Variants in ZNF540 observed in about 807,000 individuals in gnomAD.
ZNF540 encodes zinc finger protein 540, also known as CTD-3064H18.6.
Under a neutral mutation model 11.8 loss-of-function variants are expected in ZNF540, and 3 were observed. That is an observed-to-expected ratio of 0.25 (90% confidence interval 0.12 to 0.65). ZNF540 has a LOEUF of 0.65. Among genes scored for constraint, ZNF540 ranks in the 30% least tolerant of loss-of-function variants. The probability of loss-of-function intolerance (pLI) is 0.83; values close to 1 mark genes in which losing one functional copy is unlikely to be tolerated. For synonymous variants in ZNF540, 247 were observed against 259.0 expected (o/e 0.95, Z 0.45); for missense variants, 709 against 793.1 (o/e 0.89, Z 1.27).
chr19:37,610,976 C>T (rs1036287315), intron 4 of ZNF540: 3 of 151,832 alleles, frequency 2.0e-5, no homozygotes, highest in African/African-American at 7.3e-5. Flanking sequence ...ATTTTAGAAC[C>T]ACTGACGTAA....
At chr19:37,566,448 A>G (rs2147152681) in intron 1 of ZNF540, 1 of 782,996 alleles carries the variant, frequency 1.3e-6, no homozygotes, top group Non-Finnish European at 1.9e-6. Context: ...AGGCACAAGG[A>G]GAGAATAAAG....
At chr19:37,574,555 A>G (rs2043179793) in intron 1 of ZNF540, among the ~76,000 whole-genome samples, 1 of 152,224 alleles carries the variant, frequency 6.6e-6, no homozygotes, top group Admixed American at 6.5e-5. Flanking sequence ...AACTAATAAC[A>G]TAAAATCTTA....
rs117242854 is a variant in ZNF540 at position 37,582,336 on chromosome 19, T to C, written c.-72-16040T>C. ...TTACTTGAACTCCTAGCATTATCTC[T>C]CTCAGCTAACTGCTTCCTCCTTTTG... On this transcript the variant is annotated intron_variant, in intron 1 of 4. Coordinates refer to the ZNF540 transcript ENST00000592533. Among the ~76,000 whole-genome samples the C allele has an allele frequency of 6.7e-3, 1,026 of 152,334 alleles. 32 individuals are homozygous for C. Among genetic ancestry groups the C allele is most frequent in the East Asian group, 0.05 (262 of 5,192 alleles).
chr19:37,596,274 G>GCATCATTTTATTGCA (rs1452405640), intron 1 of ZNF540, among the ~76,000 whole-genome samples: 1 of 152,090 alleles, frequency 6.6e-6, no homozygotes, highest in African/African-American at 2.4e-5. Flanking sequence ...ATTTTATTGT[G>GCATCATTTTATTGCA]CATCATTTTA....
At position 37,558,399 on chromosome 19, in the gene ZNF540, G is replaced by A. The variant is rs555601000; in HGVS notation, c.-73+6734G>A. Among the ~76,000 whole-genome samples, 38 of 152,230 alleles carry A rather than the reference G, an allele frequency of 2.5e-4. 1 individual carries two copies. The South Asian group carries it at 4.1e-3, about 17-fold the overall frequency. ...ATTAAGAGCATGGCTATTTTCGGGGGCCGCTGGGTCAAAAGGGGTGTAAAT... is the reference window on the plus strand; with the variant it reads ...ATTAAGAGCATGGCTATTTTCGGGGACCGCTGGGTCAAAAGGGGTGTAAAT... On this transcript the variant is annotated intron_variant, in intron 1 of 4. Coordinates refer to the ZNF540 transcript ENST00000592533.
intron 1 of ZNF540, among the ~76,000 whole-genome samples, chr19:37,589,327 G>A (rs2043796200): frequency 6.6e-6 from 1 of 151,386 alleles, no homozygotes; most frequent in South Asian, 2.1e-4. Context: ...TTTAAAAATT[G>A]CCTAAAAGAA....
At chr19:37,571,068 C>T (rs1600476918) in intron 1 of ZNF540, among the ~76,000 whole-genome samples, 1 of 152,156 alleles carries the variant, frequency 6.6e-6, no homozygotes, top group South Asian at 2.1e-4. Flanking sequence ...GACTTAGAAT[C>T]ACTCATTGTG....
chr19:37,601,493 G>T (rs2044039232), intron 4 of ZNF540, among the ~76,000 whole-genome samples: 1 of 151,912 alleles, frequency 6.6e-6, no homozygotes, highest in South Asian at 2.1e-4. Flanking sequence ...TCTGTGCCAA[G>T]TGTTATCAGT....
At position 37,613,702 on chromosome 19, in the gene ZNF540, T is replaced by C. The variant is rs1599594675; in HGVS notation, c.*439T>C. On this transcript the variant is annotated 3_prime_UTR_variant, in exon 5 of 5. Coordinates refer to ENST00000316433, the MANE Select transcript of ZNF540 (RefSeq NM_001172225.3). ...ACATTATTATTAGTGGATTTCTTAA[T>C]AGGAAGATGCAATGGAGATGACAAA... 2.5e-6 allele frequency: 1 copy of C among 397,994 alleles called. No individual in the cohort carries two copies. Among genetic ancestry groups the C allele is most frequent in the African/African-American group, 2.1e-5 (1 of 48,622 alleles). The allele number at this position is 397,994 out of a possible 1,614,324, so 24.7% of individuals were successfully genotyped here. A position where few individuals can be genotyped will look rare whatever the true frequency, so the allele number is the denominator to read the frequency against.
chr19:37,603,748 T>C (rs912854417), intron 4 of ZNF540, among the ~76,000 whole-genome samples: 17 of 152,206 alleles, frequency 1.1e-4, no homozygotes, highest in Admixed American at 1.1e-3. Context: ...CTTCAAAATA[T>C]GTTGTACAGA....
chr19:37,587,592 CT>C (rs199760691), intron 1 of ZNF540, among the ~76,000 whole-genome samples: 39,713 of 144,560 alleles, frequency 0.27, 6,074 homozygotes, highest in Non-Finnish European at 0.37. Context: ...TAGCACTGAT[CT>C]TTTTTTTTTT....
chr19:37,598,669 GGAACA>G (rs1472324055), intron 2 of ZNF540, among the ~76,000 whole-genome samples: 10 of 152,242 alleles, frequency 6.6e-5, no homozygotes, highest in Admixed American at 3.3e-4. Flanking sequence ...GGGCAGAGAT[GGAACA>G]GACATGAAGT....
Position 37,613,197 on chromosome 19 carries a change from A to G in ZNF540, c.1917A>G (p.Val639=), listed in dbSNP as rs1568370288. Reference sequence around the variant, plus strand: ...GTGAGAAACCCTATGAGTGTAAGGTATGTAGAAAGGCCTTTAGACAATATT... The same window carrying G: ...GTGAGAAACCCTATGAGTGTAAGGTGTGTAGAAAGGCCTTTAGACAATATT... ...HTGEKPYECK[V]CRKAFRQYSH... Residue 639 remains valine (V), a synonymous_variant, in exon 5 of 5, where the codon GTA becomes GTG. Transcript: ENST00000316433. The G allele has an allele frequency of 6.3e-7, 1 of 1,596,598 alleles. No individual in the cohort carries two copies.
intron 1 of ZNF540, among the ~76,000 whole-genome samples, chr19:37,596,882 T>C (rs2044000607): frequency 6.6e-6 from 1 of 152,236 alleles, no homozygotes; most frequent in South Asian, 2.1e-4. Context: ...TCTTAATAAG[T>C]AGCAACATTT....
intron 1 of ZNF540, chr19:37,586,313 T>A (rs1205606000): frequency 9.8e-6 from 2 of 203,962 alleles, no homozygotes; most frequent in African/African-American, 4.6e-5. Context: ...GTAGAGAAGA[T>A]CAAATTTTGT....
upstream of ZNF540, chr19:37,594,700 C>T (rs1470805578): frequency 6.6e-6 from 1 of 152,332 alleles, no homozygotes; most frequent in East Asian, 1.9e-4. Context: ...ATGAAGCAAC[C>T]CAAAAGCTGC....
At chr19:37,551,900 C>T (rs899981558) in intron 1 of ZNF540, among the ~76,000 whole-genome samples, 1 of 151,700 alleles carries the variant, frequency 6.6e-6, no homozygotes, top group Non-Finnish European at 1.5e-5. Context: ...CTGTAGTCCG[C>T]GGGCTCTCTT....
At chr19:37,562,046 G>A (rs2042722758) in intron 1 of ZNF540, among the ~76,000 whole-genome samples, 1 of 152,106 alleles carries the variant, frequency 6.6e-6, no homozygotes, top group South Asian at 2.1e-4. Flanking sequence ...TACAATCAGT[G>A]GTTTCCAGAG....
chr19:37,564,653 C>T (rs1195070777), intron 1 of ZNF540: 2 of 1,598,628 alleles, frequency 1.3e-6, no homozygotes, highest in South Asian at 2.3e-5. Flanking sequence ...AAAGTCTTTA[C>T]CACACTGGAC....
Sources: gnomAD v4.1 joint callset for allele counts (sites outside exome capture counted in the v4.1 genomes callset) on GRCh38, gnomAD v4.1.1 for gene constraint, MANE v1.5 for transcripts, NCBI Gene and HGNC (gene_info 2026-07-23, HGNC 2026-07-21) for gene names.